Variants in GPR161 observed in about 807,000 individuals in gnomAD.
The protein encoded by GPR161 is G-protein coupled receptor RE2.
Under a neutral mutation model 39.2 loss-of-function variants are expected in GPR161, and 25 were observed. That is an observed-to-expected ratio of 0.64 (90% confidence interval 0.47 to 0.89). The LOEUF is 0.89. Ranked by LOEUF, GPR161 falls within the 40% of genes least tolerant of loss-of-function variation. The probability of loss-of-function intolerance (pLI) is 0.00; values close to 1 mark genes in which losing one functional copy is unlikely to be tolerated. For missense variants in GPR161, 547 were observed against 677.8 expected (o/e 0.81, Z 2.14); for synonymous variants, 286 against 276.6 (o/e 1.03, Z -0.34).
Position 168,083,851 on chromosome 1 carries a change from A to C in GPR161, c.*1680T>G, listed in dbSNP as rs1296901735. 2 of 152,272 alleles carry C rather than the reference A, an allele frequency of 1.3e-5. No individual in the cohort carries two copies. Among genetic ancestry groups the C allele is most frequent in the Admixed American group, 6.5e-5 (1 of 15,290 alleles). 9.4% of individuals were successfully genotyped at this position (152,272 alleles called of 1,614,324 possible). A position where few individuals can be genotyped will look rare whatever the true frequency, so the allele number is the denominator to read the frequency against. Reference sequence around the variant, plus strand: ...TTTCTGCCACACAACACAAAAACACAACCTCACCAGGAGCTAGCTGGGCCC... The same window carrying C: ...TTTCTGCCACACAACACAAAAACACCACCTCACCAGGAGCTAGCTGGGCCC... On this transcript the variant is annotated 3_prime_UTR_variant, in exon 6 of 6. Transcript: ENST00000682931.
At chr1:168,109,791 ACT>A (rs909513429) in intron 1 of GPR161, among the ~76,000 whole-genome samples, 1 of 151,948 alleles carries the variant, frequency 6.6e-6, no homozygotes, top group Admixed American at 6.6e-5. Context: ...ACATGGTGAA[ACT>A]CTGTTTCTAC....
At chr1:168,094,121 CA>C (rs933885896) in intron 3 of GPR161, among the ~76,000 whole-genome samples, 2 of 152,238 alleles carry the variant, frequency 1.3e-5, no homozygotes, top group African/African-American at 4.8e-5. Context: ...ACAGCTTCAC[CA>C]GCTCTTCTAG....
chr1:168,101,394 G>A (rs1453566787), intron 2 of GPR161, among the ~76,000 whole-genome samples: 1 of 152,210 alleles, frequency 6.6e-6, no homozygotes, highest in Non-Finnish European at 1.5e-5. Flanking sequence ...CCAGGATGCT[G>A]TTGTATATCC....
chr1:168,118,220 A>G (rs557827357), intron 1 of GPR161, among the ~76,000 whole-genome samples: 1 of 152,366 alleles, frequency 6.6e-6, no homozygotes, highest in East Asian at 1.9e-4. Flanking sequence ...ATCGGGTGAA[A>G]ATATTCGCAA....
At chr1:168,130,314 G>A (rs557233379) in intron 1 of GPR161, among the ~76,000 whole-genome samples, 1 of 152,136 alleles carries the variant, frequency 6.6e-6, no homozygotes, top group Non-Finnish European at 1.5e-5. Flanking sequence ...CAGCATCTTC[G>A]AACTTCCTTT....
At position 168,087,673 on chromosome 1, in the gene GPR161, C is replaced by G. The variant is rs764246824; in HGVS notation, c.1236G>C (p.Thr412=). 78 of 1,613,746 alleles carry G rather than the reference C, an allele frequency of 4.8e-5. No individual in the cohort carries two copies. Among genetic ancestry groups the G allele is most frequent in the Non-Finnish European group, 6.4e-5 (75 of 1,179,872 alleles). ...GTDMMLLEDY[T]SDDNPPSHCT... is the part of the protein sequence containing the mutation. ...AGTGAGAGGGAGGGTTGTCATCAGA[C>G]GTGTAGTCCTCAAGCAGCATCATAT... The change falls in exon 5 of 6, where the codon ACG becomes ACC. Residue 412 remains threonine, a synonymous_variant. Coordinates refer to ENST00000682931, the MANE Select transcript of GPR161 (RefSeq NM_001375883.1).
chr1:168,134,598 A>C (rs1699228621), intron 1 of GPR161, among the ~76,000 whole-genome samples: 3 of 152,218 alleles, frequency 2.0e-5, no homozygotes, highest in Non-Finnish European at 4.4e-5. Flanking sequence ...AAGGTCTCAC[A>C]CAGAAGACGC....
intron 3 of GPR161, among the ~76,000 whole-genome samples, chr1:168,094,753 C>T (rs1695368101): frequency 6.6e-6 from 1 of 152,208 alleles, no homozygotes; most frequent in African/African-American, 2.4e-5. Context: ...CCAAATCTCT[C>T]CCAGTGGCTT....
At position 168,096,809 on chromosome 1, in the gene GPR161, G is replaced by A. The variant is rs1695592403; in HGVS notation, c.798C>T (p.Cys266=). 1.2e-6 allele frequency: 2 copies of A among 1,614,018 alleles called. No homozygotes were observed. The highest frequency in any genetic ancestry group is 2.7e-5 in the African/African-American group (2 of 74,932). ...FQGVVYSANQ[C]KALITILVVL... is the part of the protein sequence containing the mutation. The stretch of plus-strand genomic sequence containing the variant: ...CCACCAGGATGGTGATGAGGGCTTT[G>A]CACTGGTTGGCCGAGTAGACCACAC... The change falls in exon 3 of 6, where the codon TGC becomes TGT. Residue 266 remains cysteine (C), a synonymous_variant. Coordinates refer to ENST00000682931, the MANE Select transcript of GPR161 (RefSeq NM_001375883.1).
chr1:168,115,814 C>G (rs1055917445), intron 1 of GPR161, among the ~76,000 whole-genome samples: 1 of 151,280 alleles, frequency 6.6e-6, no homozygotes, highest in Non-Finnish European at 1.5e-5. Flanking sequence ...CTTGCACTGT[C>G]GCCCAGGCTG....
intron 2 of GPR161, among the ~76,000 whole-genome samples, chr1:168,102,983 T>C (rs1423408941): frequency 6.6e-6 from 1 of 152,168 alleles, no homozygotes; most frequent in Non-Finnish European, 1.5e-5. Context: ...TTTGTACAAC[T>C]TTCTGAAAGG....
rs1315919743 is a variant in GPR161 at position 168,080,107 on chromosome 1, T to G, written c.*5424A>C. The G allele has an allele frequency of 6.6e-6, 1 of 152,200 alleles. No homozygotes were observed. The highest frequency in any genetic ancestry group is 1.5e-5 in the Non-Finnish European group (1 of 68,024). 9.4% of individuals were successfully genotyped at this position (152,200 alleles called of 1,614,324 possible). The stretch of plus-strand genomic sequence containing the variant: ...GAATCTTCAAGGTATTGGAAATACT[T>G]TGGAATCCAAAGTATTTGTTAGATA... On this transcript the variant is annotated 3_prime_UTR_variant, in exon 6 of 6. Coordinates refer to ENST00000682931, the MANE Select transcript of GPR161 (RefSeq NM_001375883.1).
At chr1:168,105,971 G>A (rs1696578658) in intron 1 of GPR161, among the ~76,000 whole-genome samples, 2 of 152,156 alleles carry the variant, frequency 1.3e-5, no homozygotes, top group South Asian at 2.1e-4. Flanking sequence ...CACAACCCTC[G>A]TGGTGGATCC....
intron 3 of GPR161, among the ~76,000 whole-genome samples, 184 bp downstream of exon 3, chr1:168,096,324 A>G (rs961592574): frequency 6.6e-5 from 10 of 152,004 alleles, no homozygotes; most frequent in Admixed American, 5.9e-4. Context: ...TGAGCTACTG[A>G]GTGACAGGAA....
intron 1 of GPR161, among the ~76,000 whole-genome samples, chr1:168,124,841 G>T (rs744168): frequency 0.21 from 31,498 of 152,008 alleles, 3,617 homozygotes; most frequent in Admixed American, 0.36. Context: ...TCCTCCCATT[G>T]CTCTCCCTCT....
At chr1:168,119,232 A>G (rs1332875751) in intron 1 of GPR161, among the ~76,000 whole-genome samples, 1 of 120,000 alleles carries the variant, frequency 8.3e-6, no homozygotes, top group Non-Finnish European at 1.7e-5. Context: ...ATATACGTAT[A>G]TATATATATA....
Position 168,090,655 on chromosome 1 carries a change from G to A in GPR161, c.1113C>T (p.Ser371=), listed in dbSNP as rs754322491. The change falls in exon 4 of 6, where the codon TCC becomes TCT. Residue 371 remains serine, a synonymous_variant. Coordinates refer to ENST00000682931, the MANE Select transcript of GPR161 (RefSeq NM_001375883.1). ...CTGCCATGAGCGCAGTGAGGTGTGG[G>A]GACAGGCCCAGGTCTGAAAGACAAA... ...ISNRITDLGL[S]PHLTALMAGG... The A allele has an allele frequency of 1.9e-5, 31 of 1,606,746 alleles. No individual in the cohort carries two copies. The highest frequency in any genetic ancestry group is 2.6e-5 in the Non-Finnish European group (30 of 1,174,366).
At chr1:168,104,986 T>C in intron 1 of GPR161, 92 bp from the exon 2 acceptor site, 1 of 950,020 alleles carries the variant, frequency 1.1e-6, no homozygotes, top group South Asian at 1.6e-5. Context: ...AGGGGTTAAG[T>C]GCTACGCCTC....
rs775636549 is a variant in GPR161 at position 168,096,540 on chromosome 1, G to C, written c.1067C>G (p.Ser356Cys). ...CCTGTTGGAAATGCTGAAGAGCCTGGAAGTCCTCTGTCGTTGCACAAATGG... is the reference window on the plus strand; with the variant it reads ...CCTGTTGGAAATGCTGAAGAGCCTGCAAGTCCTCTGTCGTTGCACAAATGG... ...REPFVQRQRT[S>C]RLFSISNRIT... The change falls in exon 3 of 6, where the codon TCC becomes TGC. Residue 356 changes from serine to cysteine, a missense_variant. By Grantham distance (112) the Ser-to-Cys change is moderately radical. Coordinates refer to ENST00000682931, the MANE Select transcript of GPR161 (RefSeq NM_001375883.1). 2.5e-6 allele frequency: 4 copies of C among 1,614,130 alleles called. No individual in the cohort carries two copies. Among genetic ancestry groups the C allele is most frequent in the Non-Finnish European group, 2.5e-6 (3 of 1,180,018 alleles).
Sources: gnomAD v4.1 joint callset for allele counts (sites outside exome capture counted in the v4.1 genomes callset) on GRCh38, gnomAD v4.1.1 for gene constraint, MANE v1.5 for transcripts, NCBI Gene and HGNC (gene_info 2026-07-23, HGNC 2026-07-21) for gene names.